Variants in GREM2 observed in about 807,000 individuals in gnomAD.
GREM2 encodes the protein gremlin 2, DAN family BMP antagonist, also known as gremlin-2.
A neutral mutation model predicts 14.2 loss-of-function variants in GREM2; 11 were observed. That is an observed-to-expected ratio of 0.78 (90% CI 0.49 to 1.28). The LOEUF (loss-of-function observed/expected upper bound fraction) is 1.28. Ranked by LOEUF, GREM2 falls within the 50% of genes most tolerant of loss-of-function variation. The pLI is 0.00. For synonymous variants in GREM2, 98 were observed against 97.6 expected (o/e 1.00, Z -0.02); for missense variants, 210 against 218.5 (o/e 0.96, Z 0.24).
At chr1:240,586,813 G>T (rs1006207214) in intron 1 of GREM2, among the ~76,000 whole-genome samples, 8 of 152,172 alleles carry the variant, frequency 5.3e-5, no homozygotes, top group Admixed American at 3.9e-4. Context: ...TCTACTTAAG[G>T]TGACTTTGGC....
chr1:240,601,629 C>T (rs376588046), intron 1 of GREM2, among the ~76,000 whole-genome samples: 19 of 152,076 alleles, frequency 1.2e-4, no homozygotes, highest in African/African-American at 3.6e-4. Flanking sequence ...GTGTTAGGCC[C>T]GGCACGGTGG....
intron 1 of GREM2, among the ~76,000 whole-genome samples, chr1:240,541,777 C>G (rs1007637539): frequency 6.6e-6 from 1 of 151,954 alleles, no homozygotes; most frequent in Non-Finnish European, 1.5e-5. Flanking sequence ...TCCAGCAAGA[C>G]AAGCAAGTGG....
At chr1:240,508,963 A>G (rs1677738875) in intron 1 of GREM2, among the ~76,000 whole-genome samples, 1 of 152,224 alleles carries the variant, frequency 6.6e-6, no homozygotes, top group African/African-American at 2.4e-5. Context: ...GGCAAACTTC[A>G]TTAATTATAT....
chr1:240,502,163 A>C (rs1677583221), intron 1 of GREM2, among the ~76,000 whole-genome samples: 1 of 152,094 alleles, frequency 6.6e-6, no homozygotes, highest in African/African-American at 2.4e-5. Flanking sequence ...GTATACATAA[A>C]AATTCAAGAG....
At chr1:240,548,031 G>A (rs954527447) in intron 1 of GREM2, among the ~76,000 whole-genome samples, 1 of 151,974 alleles carries the variant, frequency 6.6e-6, no homozygotes, top group South Asian at 2.1e-4. Context: ...GGAGGCCAAG[G>A]TGGGTGGATC....
At chr1:240,521,919 C>T (rs1024450308) in intron 1 of GREM2, among the ~76,000 whole-genome samples, 1 of 151,908 alleles carries the variant, frequency 6.6e-6, no homozygotes, top group Non-Finnish European at 1.5e-5. Flanking sequence ...TGAGACCAGC[C>T]TGAACAACAT....
At chr1:240,495,952 T>TG (rs1553271431) in intron 1 of GREM2, among the ~76,000 whole-genome samples, 5,183 of 149,394 alleles carry the variant, frequency 0.035, 317 homozygotes, top group African/African-American at 0.12. Flanking sequence ...TTTTTGTTTT[T>TG]TTTTTGATGG....
intron 1 of GREM2, among the ~76,000 whole-genome samples, chr1:240,558,047 AT>A (rs1369613482): frequency 6.6e-6 from 1 of 152,170 alleles, no homozygotes; most frequent in Non-Finnish European, 1.5e-5. Flanking sequence ...ATGCAGTTAA[AT>A]TTTATCTAAT....
intron 1 of GREM2, among the ~76,000 whole-genome samples, chr1:240,541,828 A>G (rs1367131701): frequency 1.3e-5 from 2 of 152,168 alleles, no homozygotes; most frequent in African/African-American, 4.8e-5. Flanking sequence ...CCACTCAGGC[A>G]AAAGTCATAA....
chr1:240,541,702 G>C (rs1301257009), intron 1 of GREM2, among the ~76,000 whole-genome samples: 1 of 148,150 alleles, frequency 6.7e-6, no homozygotes, highest in Non-Finnish European at 1.5e-5. Flanking sequence ...TTTTTTTTTT[G>C]AAGTAAGTAT....
chr1:240,587,487 A>G (rs1002071429), intron 1 of GREM2, among the ~76,000 whole-genome samples: 15 of 151,456 alleles, frequency 9.9e-5, no homozygotes, highest in African/African-American at 3.2e-4. Context: ...GTGACTGGCT[A>G]ATTTTTGTAT....
At position 240,540,075 on chromosome 1, in the gene GREM2, C is replaced by T. The variant is rs1316189483; in HGVS notation, c.-1-46599G>A. Among the ~76,000 whole-genome samples the T allele has an allele frequency of 6.6e-6, 1 of 152,138 alleles. No homozygotes were observed. The highest frequency in any genetic ancestry group is 1.5e-5 in the Non-Finnish European group (1 of 68,020). Reference sequence around the variant, plus strand: ...GACATTAGCTTGGCATAGCTGACAGCCACTCTGTTCCTATACCCCTGACTA... The same window carrying T: ...GACATTAGCTTGGCATAGCTGACAGTCACTCTGTTCCTATACCCCTGACTA... On this transcript the variant is annotated intron_variant, in intron 1 of 1. Coordinates refer to ENST00000318160, the MANE Select transcript of GREM2 (RefSeq NM_022469.4). The surrounding 1 kb of genome is among the most constrained non-coding windows in gnomAD (Gnocchi z 4.2).
intron 1 of GREM2, among the ~76,000 whole-genome samples, chr1:240,599,857 T>A (rs1338815938): frequency 6.6e-6 from 1 of 152,154 alleles, no homozygotes; most frequent in African/African-American, 2.4e-5. Flanking sequence ...GCATCCAAGC[T>A]CCGGGATAAT....
chr1:240,501,615 C>T (rs1420567345), intron 1 of GREM2, among the ~76,000 whole-genome samples: 6 of 152,096 alleles, frequency 3.9e-5, no homozygotes, highest in Non-Finnish European at 5.9e-5. Flanking sequence ...AATGAGGAAG[C>T]GCTTGGAAAG....
At chr1:240,544,284 A>C (rs949491083) in intron 1 of GREM2, among the ~76,000 whole-genome samples, 5 of 151,658 alleles carry the variant, frequency 3.3e-5, no homozygotes, top group South Asian at 2.1e-4. Flanking sequence ...AGTAGCTGGG[A>C]CTACAGGCAC....
intron 1 of GREM2, among the ~76,000 whole-genome samples, chr1:240,557,611 T>A (rs1678974666): frequency 6.6e-6 from 1 of 152,200 alleles, no homozygotes; most frequent in African/African-American, 2.4e-5. Flanking sequence ...TTACAATCTA[T>A]TAATCCATAT....
intron 1 of GREM2, among the ~76,000 whole-genome samples, chr1:240,596,639 G>T (rs1236471452): frequency 6.6e-6 from 1 of 151,956 alleles, no homozygotes; most frequent in African/African-American, 2.4e-5. Context: ...AGAGGTTGCG[G>T]TGAGCTGAGA....
chr1:240,520,034 T>C (rs913788889), intron 1 of GREM2, among the ~76,000 whole-genome samples: 1 of 151,350 alleles, frequency 6.6e-6, no homozygotes, highest in African/African-American at 2.4e-5. Context: ...GAGCCAGGAT[T>C]GTGCCATTGC....
intron 1 of GREM2, among the ~76,000 whole-genome samples, chr1:240,585,114 T>C (rs2102859422): frequency 6.6e-6 from 1 of 152,314 alleles, no homozygotes; most frequent in East Asian, 1.9e-4. Flanking sequence ...GGAGGGATCC[T>C]TGTATTCACT....
Sources: gnomAD v4.1 joint callset for allele counts (sites outside exome capture counted in the v4.1 genomes callset) on GRCh38, gnomAD v4.1.1 for gene constraint, Gnocchi (gnomAD v3.1) non-coding constraint, MANE v1.5 for transcripts, NCBI Gene and HGNC (gene_info 2026-07-23, HGNC 2026-07-21) for gene names.